Variants in KRT6B observed in about 807,000 individuals in gnomAD.
The protein encoded by KRT6B is keratin 6B.
A neutral mutation model predicts 44.7 loss-of-function variants in KRT6B; 29 were observed. The ratio of observed to expected loss-of-function variants is 0.65; its 90% CI spans 0.48 to 0.88. The LOEUF is 0.88. KRT6B is among the 40% of genes least tolerant of loss of function. The pLI is 0.00. For synonymous variants in KRT6B, 213 were observed against 296.0 expected, an observed-to-expected ratio of 0.72 and a Z score of 2.88; for missense variants, 600 against 724.0, an observed-to-expected ratio of 0.83 and a Z score of 1.97.
intron 5 of KRT6B, among the ~76,000 whole-genome samples, 153 bp downstream of exon 5, chr12:52,449,316 G>C (rs1940360207): frequency 6.6e-6 from 1 of 152,210 alleles, no homozygotes; most frequent in African/African-American, 2.4e-5. Flanking sequence ...TTGGGCATAA[G>C]TTCCGCAAAT....
In KRT6B at chr12:52,447,136, C is replaced by G; in HGVS notation, c.*54G>C. On this transcript the variant is annotated 3_prime_UTR_variant, in exon 9 of 9. Coordinates refer to ENST00000252252, the MANE Select transcript of KRT6B (RefSeq NM_005555.4). ...GGACAAGCAACCTGAGGAGAGGGCT[C>G]TGCTGCCAGAGAGGGGCCTGAGAGC... 1.2e-6 allele frequency: 2 copies of G among 1,608,200 alleles called. No individual in the cohort carries two copies. Among genetic ancestry groups the G allele is most frequent in the South Asian group, 1.1e-5 (1 of 90,048 alleles).
chr12:52,447,109 G>A lies in KRT6B; in HGVS notation c.*81C>T. 6.3e-7 allele frequency: 1 copy of A among 1,576,618 alleles called. No homozygotes were observed. Among genetic ancestry groups the A allele is most frequent in the Non-Finnish European group, 8.7e-7 (1 of 1,155,818 alleles). ...GGGCAGGGGAGACTGGAGGCCAGGG[G>A]AGGACAAGCAACCTGAGGAGAGGGC... On this transcript the variant is annotated 3_prime_UTR_variant, in exon 9 of 9. Coordinates refer to ENST00000252252, the MANE Select transcript of KRT6B (RefSeq NM_005555.4).
chr12:52,449,667 T>G, intron 4 of KRT6B, 34 bp from the exon 5 acceptor site: 3 of 1,614,030 alleles, frequency 1.9e-6, no homozygotes, highest in Non-Finnish European at 2.5e-6. Context: ...TCAACTTCAC[T>G]TCTGACATTT....
At chr12:52,448,162 C>T (rs770402017) in intron 6 of KRT6B, among the ~76,000 whole-genome samples, 164 bp from the exon 7 acceptor site, 15 of 152,324 alleles carry the variant, frequency 9.8e-5, no homozygotes, top group East Asian at 3.9e-4. Flanking sequence ...AAAGTTTTTA[C>T]GTCTGGAGTC....
At chr12:52,450,936 T>C (rs1206531910) in intron 1 of KRT6B, among the ~76,000 whole-genome samples, 1 of 152,262 alleles carries the variant, frequency 6.6e-6, no homozygotes, top group Non-Finnish European at 1.5e-5. Context: ...TTACCTGATA[T>C]ATTGTACACA....
chr12:52,448,945 G>T lies in KRT6B; in HGVS notation c.1100C>A (p.Ala367Glu). Residue 367 changes from alanine to glutamate, a missense_variant, in exon 6 of 9, where the codon GCA (alanine) becomes GAA (glutamate). Transcript: ENST00000252252. Reference sequence around the variant, plus strand: ...GCGCAGGTCGTCCCCATGTCTGCCTGCTGTGATCTGCAGCTCCTCGTACTG... The same window carrying T: ...GCGCAGGTCGTCCCCATGTCTGCCTTCTGTGATCTGCAGCTCCTCGTACTG... ...QTKYEELQIT[A>E]GRHGDDLRNT... 1 of 1,613,454 alleles carries T rather than the reference G, an allele frequency of 6.2e-7. No homozygotes were observed. The highest frequency in any genetic ancestry group is 2.2e-5 in the East Asian group (1 of 44,858).
chr12:52,450,472 C>A lies in KRT6B; in HGVS notation c.689G>T (p.Gly230Val), dbSNP rs1472131132. 6.2e-7 allele frequency: 1 copy of A among 1,614,094 alleles called. No homozygotes were observed. Among genetic ancestry groups the A allele is most frequent in the African/African-American group, 1.3e-5 (1 of 74,912 alleles). Reference sequence around the variant, plus strand: ...CTCCGAGTCCAGACGACCCCGTTCCCCCACGATGTTGTCCAGCTGCCTCCT... The same window carrying A: ...CTCCGAGTCCAGACGACCCCGTTCCACCACGATGTTGTCCAGCTGCCTCCT... ...NLRRQLDNIV[G>V]ERGRLDSELR... The change falls in exon 2 of 9, where the codon GGG becomes GTG. Residue 230 changes from glycine (G) to valine (V), a missense_variant. By Grantham distance (109) the Gly-to-Val change is moderately radical. Coordinates refer to ENST00000252252, the MANE Select transcript of KRT6B (RefSeq NM_005555.4).
At position 52,452,089 on chromosome 12, in the gene KRT6B, G is replaced by T. The variant is rs1187595479; in HGVS notation, c.-11C>A. On this transcript the variant is annotated 5_prime_UTR_variant, in exon 1 of 9. Transcript: ENST00000252252. ...GGATGTGCTGGCCATGGTTCCAGGAGATGAGAGGGCTTAGGAGAGTGTGAG... is the reference window on the plus strand; with the variant it reads ...GGATGTGCTGGCCATGGTTCCAGGATATGAGAGGGCTTAGGAGAGTGTGAG... 6 of 1,614,056 alleles carry T rather than the reference G, an allele frequency of 3.7e-6. No homozygotes were observed. In the Admixed American group the frequency reaches 8.3e-5, roughly 22 times the overall value.
In KRT6B at chr12:52,450,137, G is replaced by A. The variant is rs370850515; in HGVS notation, c.756-65C>T. 4.1e-5 allele frequency: 66 copies of A among 1,613,302 alleles called. No individual in the cohort carries two copies. In the African/African-American group the frequency reaches 7.2e-4, roughly 18 times the overall value. On this transcript the variant is annotated intron_variant, in intron 2 of 8. Transcript: ENST00000252252. ...GTAGGATGAAACAGAAAAGCAGCTT[G>A]GGATTCAACATTTTCCTGAATGGAA...
rs769295722 is a variant in KRT6B, at chr12:52,448,724, C to T, written c.1203+118G>A. The T allele has an allele frequency of 4.1e-5, 64 of 1,546,066 alleles. 1 individual carries two copies. The South Asian group carries it at 4.5e-4, about 11-fold the overall frequency. On this transcript the variant is annotated intron_variant, in intron 6 of 8. Transcript: ENST00000252252. ...CTCACTGAGCCTAGGAACTGCATGT[C>T]TTTCCTTCTCTGCTTATCAATCAAT...
In KRT6B at chr12:52,449,591, C is replaced by A; in HGVS notation, c.955G>T (p.Val319Leu). Residue 319 changes from valine (V) to leucine (L), a missense_variant, in exon 5 of 9, where the codon GTG becomes TTG. Physicochemically the swap from Val to Leu is conservative, Grantham distance 32 (BLOSUM62 1). Coordinates refer to ENST00000252252, the MANE Select transcript of KRT6B (RefSeq NM_005555.4). ...MQTHISDTSV[V>L]LSMDNNRNLD... The stretch of plus-strand genomic sequence containing the variant: ...TTGCGGTTGTTGTCCATGGATAGCA[C>A]CACGGATGTGTCTGAGATGTGGGTC... The A allele has an allele frequency of 6.2e-7, 1 of 1,614,210 alleles. No individual in the cohort carries two copies. Among genetic ancestry groups the A allele is most frequent in the Admixed American group, 1.7e-5 (1 of 60,032 alleles).
rs768946287 is a variant in KRT6B at position 52,452,033 on chromosome 12, G to A, written c.46C>T (p.Arg16Trp). Residue 16 changes from arginine (R) to tryptophan (W), a missense_variant, in exon 1 of 9, where the codon CGG becomes TGG. By Grantham distance (101) the Arg-to-Trp change is moderately radical. Transcript: ENST00000252252. ...TTIRSHSSSR[R>W]GFSANSARLP... is the part of the protein sequence containing the mutation. Reference sequence around the variant, plus strand: ...CTGGCTGAGTTGGCACTGAAACCCCGGCGGCTGCTGCTGTGGCTCCTGATG... The same window carrying A: ...CTGGCTGAGTTGGCACTGAAACCCCAGCGGCTGCTGCTGTGGCTCCTGATG... 5.2e-5 allele frequency: 84 copies of A among 1,613,874 alleles called. No homozygotes were observed. Among genetic ancestry groups the A allele is most frequent in the Non-Finnish European group, 6.4e-5 (75 of 1,179,926 alleles).
rs757806566 is a variant in KRT6B at position 52,448,924 on chromosome 12, A to G, written c.1121T>C (p.Leu374Pro). 50 of 1,613,686 alleles carry G rather than the reference A, an allele frequency of 3.1e-5. 1 individual carries two copies. Among genetic ancestry groups the G allele is most frequent in the Non-Finnish European group, 4.2e-6 (5 of 1,179,912 alleles). ...QITAGRHGDD[L>P]RNTKQEIAEI... ...AGCAATCTCCTGCTTGGTGTTGCGC[A>G]GGTCGTCCCCATGTCTGCCTGCTGT... Residue 374 changes from leucine to proline, a missense_variant, in exon 6 of 9, where the codon CTG (leucine) becomes CCG (proline). By Grantham distance (98) the Leu-to-Pro change is moderately conservative. Coordinates refer to ENST00000252252, the MANE Select transcript of KRT6B (RefSeq NM_005555.4).
In KRT6B at chr12:52,448,864, T is replaced by G. The variant is rs1291588735; in HGVS notation, c.1181A>C (p.Glu394Ala). ...INRMIQRLRS[E>A]IDHVKKQCAN... ...TACCTGCTTCTTGACGTGGTCGATC[T>G]CAGATCTCAGCCTCTGGATCATGCG... Residue 394 changes from glutamate to alanine, a missense_variant, in exon 6 of 9, where the codon GAG becomes GCG. Coordinates refer to ENST00000252252, the MANE Select transcript of KRT6B (RefSeq NM_005555.4). 1 of 1,614,134 alleles carries G rather than the reference T, an allele frequency of 6.2e-7. No individual in the cohort carries two copies. The highest frequency in any genetic ancestry group is 8.5e-7 in the Non-Finnish European group (1 of 1,180,036).
rs1175173095 is a variant in KRT6B at position 52,450,609 on chromosome 12, T to C, written c.552A>G (p.Leu184=). Residue 184 remains leucine, a synonymous_variant, in exon 2 of 9, where the codon CTA becomes CTG. Coordinates refer to ENST00000252252, the MANE Select transcript of KRT6B (RefSeq NM_005555.4). ...TGTCCAGAACCTTGTTCTGCTGCTC[T>C]AGGAACCGCACCTGGAGGGGAAGCA... ...FASFIDKVRF[L]EQQNKVLDTK... is the part of the protein sequence containing the mutation. 1.2e-6 allele frequency: 2 copies of C among 1,614,150 alleles called. No individual in the cohort carries two copies. The highest frequency in any genetic ancestry group is 2.2e-5 in the East Asian group (1 of 44,896).
chr12:52,447,030 G>A lies in KRT6B; in HGVS notation c.*160C>T. On this transcript the variant is annotated 3_prime_UTR_variant, in exon 9 of 9. Coordinates refer to ENST00000252252, the MANE Select transcript of KRT6B (RefSeq NM_005555.4). ...CTTGATGGTAAGCAACAGGAGCTCA[G>A]TGGAACAGGTATTGATGAGAAGAAA... 1.2e-6 allele frequency: 1 copy of A among 823,518 alleles called. No individual in the cohort carries two copies. Among genetic ancestry groups the A allele is most frequent in the Non-Finnish European group, 1.9e-6 (1 of 526,140 alleles). The allele number at this position is 823,518 out of a possible 1,614,324, so 51.0% of individuals were successfully genotyped here. A position where few individuals can be genotyped will look rare whatever the true frequency, so the allele number is the denominator to read the frequency against.
At position 52,450,618 on chromosome 12, in the gene KRT6B, C is replaced by T; in HGVS notation, c.543G>A (p.Val181=). The stretch of plus-strand genomic sequence containing the variant: ...CCTTGTTCTGCTGCTCTAGGAACCG[C>T]ACCTGGAGGGGAAGCAAAATGGTCA... ...NNKFASFIDK[V]RFLEQQNKVL... is the part of the protein sequence containing the mutation. Residue 181 remains valine, a splice_region_variant and synonymous_variant, in exon 2 of 9, where the codon GTG becomes GTA. Coordinates refer to ENST00000252252, the MANE Select transcript of KRT6B (RefSeq NM_005555.4). 6.2e-7 allele frequency: 1 copy of T among 1,614,124 alleles called. No individual in the cohort carries two copies.
In KRT6B at chr12:52,447,917, C is replaced by T. The variant is rs1179907451; in HGVS notation, c.1285G>A (p.Gly429Arg). Residue 429 changes from glycine to arginine, a missense_variant, in exon 7 of 9, where the codon GGG becomes AGG. By Grantham distance (125) the Gly-to-Arg change is moderately radical. Around this residue, in one of 4 missense-constraint regions of KRT6B, gnomAD observed 479 missense variants for 454.2 expected, o/e 1.05. Coordinates refer to ENST00000252252, the MANE Select transcript of KRT6B (RefSeq NM_005555.4). ...ALKDAKNKLE[G>R]LEDALQKAKQ... ...GCCTTCTGCAGGGCATCCTCCAGCC[C>T]TTCCAGCTTGTTCTTAGCATCCTTG... 6.2e-7 allele frequency: 1 copy of T among 1,614,212 alleles called. No individual in the cohort carries two copies.
chr12:52,449,046 A>G (rs379961), intron 5 of KRT6B, 79 bp from the exon 6 acceptor site: 1 of 1,467,820 alleles, frequency 6.8e-7, no homozygotes, highest in Admixed American at 1.8e-5. Flanking sequence ...GTGTATCATG[A>G]ATGTCATGAA....
Sources: allele counts gnomAD v4.1 joint callset (sites outside exome capture counted in the v4.1 genomes callset), GRCh38; gene constraint gnomAD v4.1.1; regional missense constraint gnomAD v4.1.1; transcripts MANE v1.5; gene names NCBI Gene and HGNC (gene_info 2026-07-23, HGNC 2026-07-21).